POFUT1: variants seen among roughly 807,000 people sequenced by gnomAD.
POFUT1 encodes GDP-fucose protein O-fucosyltransferase 1.
A neutral mutation model predicts 42.4 loss-of-function variants in POFUT1; 16 were observed. That is an observed-to-expected ratio of 0.38 (90% CI 0.26 to 0.57). The LOEUF (loss-of-function observed/expected upper bound fraction) is 0.57. POFUT1 is among the 20% of genes least tolerant of loss of function. The pLI, the probability that POFUT1 is intolerant of heterozygous loss-of-function variation, is 0.71. For synonymous variants in POFUT1, 206 were observed against 205.4 expected (o/e 1.00, Z -0.03); for missense variants, 470 against 504.6 (o/e 0.93, Z 0.66).
chr20:32,220,961 G>A (rs7274357), intron 4 of POFUT1, among the ~76,000 whole-genome samples: 8,410 of 152,088 alleles, frequency 0.055, 846 homozygotes, highest in African/African-American at 0.19. Context: ...TAGAAACTGC[G>A]GGCTCCCTAA....
chr20:32,217,075 A>T, intron 4 of POFUT1: 1 of 1,613,534 alleles, frequency 6.2e-7, no homozygotes, highest in Non-Finnish European at 8.5e-7. Context: ...TCTAGAGAAC[A>T]GCTTCAGGTG....
rs1039676695 is a variant in POFUT1 at position 32,219,793 on chromosome 20, G to A, written c.542+3072G>A. 1.6e-4 allele frequency among the ~76,000 whole-genome samples: 24 copies of A among 152,000 alleles called. 1 individual carries two copies. Among genetic ancestry groups the A allele is most frequent in the Admixed American group, 1.0e-3 (16 of 15,252 alleles). Reference sequence around the variant, plus strand: ...ATTACAGGCGTGAGCCACCGCGCCCGGCCAACAACAAGTTATTATTATTTC... The same window carrying A: ...ATTACAGGCGTGAGCCACCGCGCCCAGCCAACAACAAGTTATTATTATTTC... On this transcript the variant is annotated intron_variant, in intron 4 of 6. Transcript: ENST00000375749.
rs976352830 is a variant in POFUT1 at position 32,234,881 on chromosome 20, C to T, written c.*220C>T. 81 of 464,898 alleles carry T rather than the reference C, an allele frequency of 1.7e-4. No homozygotes were observed. The highest frequency in any genetic ancestry group is 1.5e-3 in the African/African-American group (76 of 50,728). The allele number at this position is 464,898 out of a possible 1,614,324, so 28.8% of individuals were successfully genotyped here. On this transcript the variant is annotated 3_prime_UTR_variant, in exon 7 of 7. Coordinates refer to ENST00000375749, the MANE Select transcript of POFUT1 (RefSeq NM_015352.2). The stretch of plus-strand genomic sequence containing the variant: ...CTAGGAGCAGGAGCATCTCCCATCG[C>T]ACGTGCTTTCTGCTCTTCTGGGAAT...
At chr20:32,226,276 C>T (rs1028980880) in intron 4 of POFUT1, among the ~76,000 whole-genome samples, 2 of 152,152 alleles carry the variant, frequency 1.3e-5, no homozygotes, top group African/African-American at 4.8e-5. Flanking sequence ...TGTACATTTA[C>T]ATGCAGTTGT....
intron 4 of POFUT1, chr20:32,217,764 T>C: frequency 1.0e-6 from 1 of 982,464 alleles, no homozygotes; most frequent in Non-Finnish European, 1.2e-6. Context: ...TTTAAGACTT[T>C]GAGATAGTTC....
Position 32,237,793 on chromosome 20 carries a change from C to G in POFUT1, c.*3132C>G, listed in dbSNP as rs191192342. 1 of 534,522 alleles carries G rather than the reference C, an allele frequency of 1.9e-6. No homozygotes were observed. Among genetic ancestry groups the G allele is most frequent in the Non-Finnish European group, 3.8e-6 (1 of 260,090 alleles). 33.1% of individuals were successfully genotyped at this position (534,522 alleles called of 1,614,324 possible). ...GCAGGGCTGTTAACAGGGTTGCAGG[C>G]GAGAGACTGGGGTGCTGGGCTCCCC... On this transcript the variant is annotated 3_prime_UTR_variant, in exon 7 of 7. Coordinates refer to ENST00000375749, the MANE Select transcript of POFUT1 (RefSeq NM_015352.2).
chr20:32,210,508 T>C (rs1640984422), intron 2 of POFUT1, among the ~76,000 whole-genome samples: 1 of 152,244 alleles, frequency 6.6e-6, no homozygotes, highest in South Asian at 2.1e-4. Flanking sequence ...GCTATCTTTG[T>C]CTGACTCCAG....
intron 4 of POFUT1, chr20:32,223,280 A>C: frequency 4.1e-6 from 4 of 985,432 alleles, no homozygotes; most frequent in Non-Finnish European, 4.8e-6. Flanking sequence ...TTTCCAGCCA[A>C]GATCCCTGTT....
At position 32,231,244 on chromosome 20, in the gene POFUT1, G is replaced by A. The variant is rs943212258; in HGVS notation, c.978+183G>A. The A allele has an allele frequency of 7.9e-6, 5 of 629,064 alleles. No homozygotes were observed. The Admixed American group carries it at 1.2e-4, about 15-fold the overall frequency. 39.0% of individuals were successfully genotyped at this position (629,064 alleles called of 1,614,324 possible). A position where few individuals can be genotyped will look rare whatever the true frequency, so the allele number is the denominator to read the frequency against. ...AGAGGCCTCCTCCGTAGTCTTTCCA[G>A]GTTTTCATCCACTCCTGGAGCTCAC... On this transcript the variant is annotated intron_variant, in intron 6 of 6. Coordinates refer to ENST00000375749, the MANE Select transcript of POFUT1 (RefSeq NM_015352.2).
chr20:32,222,840 TGG>T (rs1224027576), intron 4 of POFUT1: 1 of 985,318 alleles, frequency 1.0e-6, no homozygotes, highest in African/African-American at 1.7e-5. Context: ...TCAGGTATAA[TGG>T]TCCAGGAATT....
Position 32,223,803 on chromosome 20 carries a change from T to C in POFUT1, c.543-4460T>C, listed in dbSNP as rs139725912. On this transcript the variant is annotated intron_variant, in intron 4 of 6. Transcript: ENST00000375749. ...CAGAAGATTAAGCCACAGACTCAGC[T>C]CATTGTCAAGGGTGGGGGAGATGGG... 4.7e-3 allele frequency: 2,782 copies of C among 588,502 alleles called. 84 individuals are homozygous for C. In the African/African-American group the frequency reaches 0.051, roughly 11 times the overall value. The allele number at this position is 588,502 out of a possible 1,614,324, so 36.5% of individuals were successfully genotyped here.
chr20:32,230,564 G>A (rs2047437576), intron 5 of POFUT1, among the ~76,000 whole-genome samples: 3 of 151,400 alleles, frequency 2.0e-5, no homozygotes, highest in Non-Finnish European at 2.9e-5. Context: ...GCATGGTGGC[G>A]GGTGCCTGTA....
intron 4 of POFUT1, among the ~76,000 whole-genome samples, chr20:32,222,014 C>T (rs1242524369): frequency 6.6e-6 from 1 of 152,050 alleles, no homozygotes; most frequent in Non-Finnish European, 1.5e-5. Context: ...CATCAAGAAT[C>T]CAGCTGGGTA....
At chr20:32,210,242 G>A in intron 2 of POFUT1, 50 bp downstream of exon 2, 1 of 1,607,130 alleles carries the variant, frequency 6.2e-7, no homozygotes, top group Admixed American at 1.7e-5. Flanking sequence ...TCTCAGTCTT[G>A]CTTACTTACA....
At chr20:32,231,134 T>G in intron 6 of POFUT1, 73 bp downstream of exon 6, 1 of 1,534,166 alleles carries the variant, frequency 6.5e-7, no homozygotes, top group Non-Finnish European at 9.0e-7. Context: ...CACTGCCCAC[T>G]GCATGCTTCA....
At chr20:32,223,687 C>A in intron 4 of POFUT1, 1 of 985,344 alleles carries the variant, frequency 1.0e-6, no homozygotes, top group African/African-American at 1.7e-5. Flanking sequence ...CTGATCGGGT[C>A]TTTCTGGTGA....
At chr20:32,214,684 T>A (rs960600461) in intron 2 of POFUT1, among the ~76,000 whole-genome samples, 3 of 152,228 alleles carry the variant, frequency 2.0e-5, no homozygotes, top group Admixed American at 6.5e-5. Context: ...TGTGAATTGT[T>A]TACCCCTAAC....
At chr20:32,231,974 A>T (rs1359381464) in intron 6 of POFUT1, among the ~76,000 whole-genome samples, 1 of 152,240 alleles carries the variant, frequency 6.6e-6, no homozygotes, top group Non-Finnish European at 1.5e-5. Flanking sequence ...TGATAAAATG[A>T]CTGAATTAGT....
At position 32,228,439 on chromosome 20, in the gene POFUT1, G is replaced by A. The variant is rs758809233; in HGVS notation, c.719G>A (p.Arg240His). 3.8e-5 allele frequency: 62 copies of A among 1,613,850 alleles called. No individual in the cohort carries two copies. The highest frequency in any genetic ancestry group is 1.6e-4 in the Middle Eastern group (1 of 6,082). The change falls in exon 5 of 7, where the codon CGC becomes CAC. Residue 240 changes from arginine to histidine, a missense_variant. Transcript: ENST00000375749. ...CGGCCCTATGTGGGCATTCATCTGC[G>A]CATTGGCTCTGACTGGGTAACTTCC... is the stretch of plus-strand genomic sequence containing the variant. ...LVRPYVGIHLRIGSDWKNACA... is the reference protein window; with the variant it reads ...LVRPYVGIHLHIGSDWKNACA...
Sources: allele counts gnomAD v4.1 joint callset (sites outside exome capture counted in the v4.1 genomes callset), GRCh38; gene constraint gnomAD v4.1.1; transcripts MANE v1.5; gene names NCBI Gene and HGNC (gene_info 2026-07-23, HGNC 2026-07-21).